The following COL4A4 variants were observed in gnomAD, a reference collection of about 807,000 sequenced individuals.
COL4A4 encodes collagen type IV alpha 4 chain.
In COL4A4, 105 loss-of-function variants were observed where a neutral mutation model predicts 192.9. The ratio of observed to expected loss-of-function variants is 0.54; its 90% CI spans 0.46 to 0.64. The LOEUF (loss-of-function observed/expected upper bound fraction) is 0.64, where lower values mean the gene tolerates loss of function less well. Among genes scored for constraint, COL4A4 ranks in the 30% least tolerant of loss-of-function variants. COL4A4 has a pLI of 0.00. For synonymous variants in COL4A4, 762 were observed against 769.9 expected, an observed-to-expected ratio of 0.99 and a Z score of 0.17; for missense variants, 1,967 against 2,169.3, an observed-to-expected ratio of 0.91 and a Z score of 1.85.
chr2:227,110,680 C>CTTTT (rs34785989), intron 9 of COL4A4, among the ~76,000 whole-genome samples: 22 of 94,268 alleles, frequency 2.3e-4, no homozygotes, highest in African/African-American at 6.0e-4. Flanking sequence ...CTCACCCAGT[C>CTTTT]TTTTTTTTTT....
At chr2:227,055,773 C>T (rs374619074) in intron 30 of COL4A4, among the ~76,000 whole-genome samples, 172 bp downstream of exon 30, 3 of 152,124 alleles carry the variant, frequency 2.0e-5, no homozygotes, top group Non-Finnish European at 4.4e-5. Flanking sequence ...AGAAACATTT[C>T]GCCACTGGAA....
chr2:227,020,677 G>T (rs564921510), intron 44 of COL4A4, among the ~76,000 whole-genome samples: 4 of 152,132 alleles, frequency 2.6e-5, no homozygotes, highest in South Asian at 4.1e-4. Flanking sequence ...AGTGAGGGGG[G>T]GTGAAAGGAG....
At chr2:227,120,106 T>G (rs543710330) in intron 5 of COL4A4, among the ~76,000 whole-genome samples, 167 bp from the exon 6 acceptor site, 1 of 152,306 alleles carries the variant, frequency 6.6e-6, no homozygotes, top group South Asian at 2.1e-4. Context: ...AACCAATTCT[T>G]GTGCTTTTCT....
At chr2:227,009,951 C>A (rs1221719235) in intron 46 of COL4A4, among the ~76,000 whole-genome samples, 1 of 152,164 alleles carries the variant, frequency 6.6e-6, no homozygotes. Flanking sequence ...AGTACAGGAA[C>A]TGACCACATT....
chr2:227,101,684 T>C (rs2060531334), intron 16 of COL4A4, 127 bp from the exon 17 acceptor site: 2 of 1,099,138 alleles, frequency 1.8e-6, no homozygotes, highest in East Asian at 2.6e-5. Flanking sequence ...TGTTCATCAG[T>C]TGCATCAGAC....
chr2:226,980,849 G>T, the COL4A4 span, among the ~76,000 whole-genome samples: 1 of 152,082 alleles, frequency 6.6e-6, no homozygotes, highest in Non-Finnish European at 1.5e-5. Flanking sequence ...TTCATAAAAT[G>T]TTTTATTTTA....
intron 4 of COL4A4, among the ~76,000 whole-genome samples, chr2:227,129,073 C>T (rs1327273367): frequency 6.6e-6 from 1 of 152,106 alleles, no homozygotes; most frequent in Non-Finnish European, 1.5e-5. Flanking sequence ...CCACCATGTA[C>T]AAATCTAGAC....
Position 227,089,728 on chromosome 2 carries a change from A to G in COL4A4, c.1459+140T>C, listed in dbSNP as rs1041445016. On this transcript the variant is annotated intron_variant, in intron 21 of 47. Coordinates refer to ENST00000396625, the MANE Select transcript of COL4A4 (RefSeq NM_000092.5). ...ACTTTTCAGTGACTTGTAATCACAT[A>G]GCACTTAATGGAGTACTCTAGTGGG... 5.6e-6 allele frequency: 4 copies of G among 710,602 alleles called. No homozygotes were observed. In the East Asian group the frequency reaches 8.2e-5, roughly 15 times the overall value. 44.0% of individuals were successfully genotyped at this position (710,602 alleles called of 1,614,324 possible). A position where few individuals can be genotyped will look rare whatever the true frequency, so the allele number is the denominator to read the frequency against.
At chr2:226,986,722 A>G in the COL4A4 span, among the ~76,000 whole-genome samples, 2 of 152,236 alleles carry the variant, frequency 1.3e-5, no homozygotes, top group Non-Finnish European at 2.9e-5. Flanking sequence ...ATGCTTGTAC[A>G]CTGTTGGTGG....
At position 227,041,686 on chromosome 2, in the gene COL4A4, GAC is replaced by G. The variant is rs199598392; in HGVS notation, c.3505+460_3505+461del. Among the ~76,000 whole-genome samples, 292 of 135,862 alleles carry G rather than the reference GAC, an allele frequency of 2.1e-3. 3 individuals are homozygous for G. The highest frequency in any genetic ancestry group is 8.2e-3 in the African/African-American group (279 of 33,876). The allele number at this position is 135,862 out of a possible 152,430, so 89.1% of individuals were successfully genotyped here. A position where few individuals can be genotyped will look rare whatever the true frequency, so the allele number is the denominator to read the frequency against. On this transcript the variant is annotated intron_variant, in intron 37 of 47. Transcript: ENST00000396625. Reference sequence around the variant, plus strand: ...GAAAGAAAAGGAAAAAAGAAAGAAAGACAGAGAGAGAGAGAGAGAAGGAAGGA... The same window carrying G: ...GAAAGAAAAGGAAAAAAGAAAGAAAGAGAGAGAGAGAGAGAGAAGGAAGGA...
intron 37 of COL4A4, among the ~76,000 whole-genome samples, chr2:227,038,253 A>C (rs1219216626): frequency 6.6e-6 from 1 of 152,218 alleles, no homozygotes; most frequent in Non-Finnish European, 1.5e-5. Flanking sequence ...ATAAGGTGTA[A>C]GGAAGGGGTC....
At chr2:227,122,503 G>A (rs1349341520) in intron 4 of COL4A4, among the ~76,000 whole-genome samples, 1 of 152,294 alleles carries the variant, frequency 6.6e-6, no homozygotes, top group South Asian at 2.1e-4. Context: ...GCTAATACAG[G>A]GTTGCCCCTT....
At chr2:227,090,223 G>T (rs2059840380) in intron 20 of COL4A4, among the ~76,000 whole-genome samples, 2 of 152,004 alleles carry the variant, frequency 1.3e-5, no homozygotes, top group Admixed American at 1.3e-4. Flanking sequence ...AAATTAATGG[G>T]TTGCAAAACA....
intron 26 of COL4A4, 64 bp from the exon 27 acceptor site, chr2:227,060,307 A>G (rs2150289089): frequency 1.8e-6 from 2 of 1,134,854 alleles, no homozygotes; most frequent in East Asian, 4.7e-5. Flanking sequence ...ACAAAATGAG[A>G]TGATTTTCTT....
At chr2:227,133,585 A>G (rs751613775) in intron 4 of COL4A4, among the ~76,000 whole-genome samples, 1 of 152,004 alleles carries the variant, frequency 6.6e-6, no homozygotes, top group Non-Finnish European at 1.5e-5. Flanking sequence ...GGCCTCCCAA[A>G]CCCTGTCCAG....
chr2:227,150,297 T>C (rs975634095), intron 1 of COL4A4, among the ~76,000 whole-genome samples: 4 of 152,160 alleles, frequency 2.6e-5, no homozygotes, highest in Non-Finnish European at 4.4e-5. Context: ...ACTTAATTCT[T>C]ACCATGATTT....
chr2:227,145,152 AAAGACCACTAAAAGGCC>A (rs1280829321), intron 2 of COL4A4, among the ~76,000 whole-genome samples: 1 of 152,216 alleles, frequency 6.6e-6, no homozygotes, highest in Non-Finnish European at 1.5e-5. Flanking sequence ...TGCAATTTTA[AAAGACCACTAAAAGGCC>A]AAGTGCGGTG....
intron 1 of COL4A4, among the ~76,000 whole-genome samples, chr2:227,160,833 G>A (rs951834599): frequency 2.6e-5 from 4 of 152,182 alleles, no homozygotes; most frequent in African/African-American, 9.7e-5. Flanking sequence ...AAGCAGAAGA[G>A]GAGTCCAGAG....
intron 1 of COL4A4, among the ~76,000 whole-genome samples, chr2:227,155,495 T>C (rs1161747749): frequency 6.6e-6 from 1 of 152,116 alleles, no homozygotes. Flanking sequence ...TGATTCAGAG[T>C]ATTGTCAAGT....
Sources: gnomAD v4.1 joint callset for allele counts (sites outside exome capture counted in the v4.1 genomes callset) on GRCh38, gnomAD v4.1.1 for gene constraint, MANE v1.5 for transcripts, NCBI Gene and HGNC (gene_info 2026-07-23, HGNC 2026-07-21) for gene names.